Variants in TNPO3 observed in about 807,000 individuals in gnomAD.
TNPO3 encodes transportin-3.
TNPO3 carries 65 observed loss-of-function variants against 122.8 expected under a neutral mutation model. That is an observed-to-expected ratio of 0.53 (90% CI 0.43 to 0.65). The LOEUF (loss-of-function observed/expected upper bound fraction) is 0.65, where lower values mean the gene tolerates loss of function less well. Among genes scored for constraint, TNPO3 ranks in the 30% least tolerant of loss-of-function variants. TNPO3 has a pLI of 0.00. For synonymous variants in TNPO3, 372 were observed against 411.2 expected (o/e 0.90, Z 1.15); for missense variants, 850 against 1,136.7 (o/e 0.75, Z 3.63).
At chr7:129,033,835 C>T (rs1174910195) in intron 1 of TNPO3, among the ~76,000 whole-genome samples, 1 of 151,102 alleles carries the variant, frequency 6.6e-6, no homozygotes, top group African/African-American at 2.4e-5. Context: ...ATCACTTGAA[C>T]TCGGGAGGCC....
intron 5 of TNPO3, 22 bp from the exon 6 acceptor site, chr7:129,001,256 G>A: frequency 6.3e-7 from 1 of 1,585,810 alleles, no homozygotes; most frequent in Non-Finnish European, 8.6e-7. Flanking sequence ...GCAGGAATAG[G>A]GAAGCAAGAA....
At chr7:128,964,333 CTTTTTTTTT>C (rs35667373) in intron 21 of TNPO3, among the ~76,000 whole-genome samples, 7,072 of 120,676 alleles carry the variant, frequency 0.059, 610 homozygotes, top group African/African-American at 0.2. Context: ...CCAAAACAAT[CTTTTTTTTT>C]TTTTTTTTTT....
intron 4 of TNPO3, among the ~76,000 whole-genome samples, chr7:129,005,467 A>C (rs573261625): frequency 6.6e-6 from 1 of 152,242 alleles, no homozygotes; most frequent in South Asian, 2.1e-4. Context: ...ATTTCATGTC[A>C]AATTGTAATC....
At chr7:129,026,679 C>T (rs1805217853) in intron 1 of TNPO3, among the ~76,000 whole-genome samples, 1 of 152,180 alleles carries the variant, frequency 6.6e-6, no homozygotes, top group African/African-American at 2.4e-5. Flanking sequence ...GCTGGGATTA[C>T]AGGCATGAGC....
chr7:129,054,885 C>T lies in TNPO3; in HGVS notation c.-115G>A. Reference sequence around the variant, plus strand: ...GGCCACGGCCGCTCCCTGACTGGCGCCATCTCCTCCTCTTTGGCCGTTACC... The same window carrying T: ...GGCCACGGCCGCTCCCTGACTGGCGTCATCTCCTCCTCTTTGGCCGTTACC... On this transcript the variant is annotated 5_prime_UTR_variant, in exon 1 of 23. Transcript: ENST00000265388. 1 of 1,406,550 alleles carries T rather than the reference C, an allele frequency of 7.1e-7. No homozygotes were observed. The highest frequency in any genetic ancestry group is 2.4e-5 in the East Asian group (1 of 42,230). 87.1% of individuals were successfully genotyped at this position (1,406,550 alleles called of 1,614,324 possible). A position where few individuals can be genotyped will look rare whatever the true frequency, so the allele number is the denominator to read the frequency against.
chr7:129,028,188 G>A (rs1411632064), intron 1 of TNPO3, among the ~76,000 whole-genome samples: 2 of 152,128 alleles, frequency 1.3e-5, no homozygotes, highest in African/African-American at 2.4e-5. Flanking sequence ...AATTCACTAA[G>A]TTATACACTT....
chr7:129,000,422 A>T lies in TNPO3; in HGVS notation c.1011+7T>A. On this transcript the variant is annotated splice_region_variant and intron_variant, in intron 7 of 22. Transcript: ENST00000265388. ...GAATAATGGCCTTTGAATAGCATAA[A>T]CACTACCTCATATTGAGGATGGCCT... The T allele has an allele frequency of 6.2e-7, 1 of 1,610,366 alleles. No individual in the cohort carries two copies. The highest frequency in any genetic ancestry group is 8.5e-7 in the Non-Finnish European group (1 of 1,177,750).
chr7:129,046,679 C>T (rs1348130179), intron 1 of TNPO3, among the ~76,000 whole-genome samples: 2 of 152,182 alleles, frequency 1.3e-5, no homozygotes, highest in Non-Finnish European at 2.9e-5. Context: ...AAGACATACC[C>T]AAGCCTGGGT....
rs763203028 is a variant in TNPO3, at chr7:128,992,094, GAGA to G, written c.1267-7_1267-5del. 6 of 1,544,970 alleles carry G rather than the reference GAGA, an allele frequency of 3.9e-6. No homozygotes were observed. The highest frequency in any genetic ancestry group is 2.8e-5 in the African/African-American group (2 of 72,412). On this transcript the variant is annotated splice_polypyrimidine_tract_variant and splice_region_variant and intron_variant, in intron 9 of 22. Coordinates refer to ENST00000265388, the MANE Select transcript of TNPO3 (RefSeq NM_012470.4). ...CTTCTTTCAGAGTAGAATATAACTA[GAGA>G]AGAAGAGGTGGATTATGGATCCATT...
At chr7:128,989,147 G>A (rs559043732) in intron 11 of TNPO3, among the ~76,000 whole-genome samples, 3 of 152,106 alleles carry the variant, frequency 2.0e-5, no homozygotes, top group Non-Finnish European at 2.9e-5. Flanking sequence ...AAGCAGCTCA[G>A]TGTATAGAAA....
At chr7:129,031,385 GA>G (rs1805933570) in intron 1 of TNPO3, among the ~76,000 whole-genome samples, 1 of 152,028 alleles carries the variant, frequency 6.6e-6, no homozygotes, top group African/African-American at 2.4e-5. Context: ...CAATTTTACA[GA>G]AATAAAAAGG....
chr7:128,978,437 A>G (rs1379404813), intron 16 of TNPO3, among the ~76,000 whole-genome samples: 1 of 152,216 alleles, frequency 6.6e-6, no homozygotes, highest in Non-Finnish European at 1.5e-5. Context: ...ATTAGTATAT[A>G]AGTACTGAGC....
chr7:129,024,963 G>A (rs974682216), intron 1 of TNPO3, among the ~76,000 whole-genome samples: 4 of 151,790 alleles, frequency 2.6e-5, no homozygotes, highest in Non-Finnish European at 4.4e-5. Flanking sequence ...ACCACACTAC[G>A]CACTCCAGCC....
chr7:128,975,427 CA>C (rs945168174), intron 17 of TNPO3, among the ~76,000 whole-genome samples: 5 of 152,116 alleles, frequency 3.3e-5, no homozygotes, highest in Non-Finnish European at 7.4e-5. Flanking sequence ...GAGCTGTTTC[CA>C]ATGCTATTAT....
rs190238585 is a variant in TNPO3 at position 129,034,661 on chromosome 7, G to A, written c.121-16504C>T. On this transcript the variant is annotated intron_variant, in intron 1 of 22. Coordinates refer to ENST00000265388, the MANE Select transcript of TNPO3 (RefSeq NM_012470.4). ...TCCCAGCACTTTGGGAGGCTGAGGCGGGCGGATCACGAGGTCAGGAGATTG... is the reference window on the plus strand; with the variant it reads ...TCCCAGCACTTTGGGAGGCTGAGGCAGGCGGATCACGAGGTCAGGAGATTG... Among the ~76,000 whole-genome samples, 268 of 151,718 alleles carry A rather than the reference G, an allele frequency of 1.8e-3. 2 individuals are homozygous for A. Among genetic ancestry groups the A allele is most frequent in the Admixed American group, 3.5e-3 (54 of 15,222 alleles).
intron 1 of TNPO3, among the ~76,000 whole-genome samples, chr7:129,045,560 A>AT: frequency 6.6e-6 from 1 of 152,048 alleles, no homozygotes; most frequent in East Asian, 1.9e-4. Flanking sequence ...AAAAAAAAAA[A>AT]ATCTATAAAA....
intron 9 of TNPO3, among the ~76,000 whole-genome samples, chr7:128,992,793 A>T (rs184600539): frequency 9.5e-5 from 2 of 21,148 alleles, no homozygotes; most frequent in African/African-American, 2.9e-4. Context: ...ATTTTAATTA[A>T]TAACTTTTTT....
chr7:128,995,901 G>A (rs1203362875), intron 8 of TNPO3, among the ~76,000 whole-genome samples: 5 of 152,096 alleles, frequency 3.3e-5, no homozygotes, highest in African/African-American at 7.2e-5. Flanking sequence ...GTTTTGCCAC[G>A]TTGGCCAGGC....
intron 12 of TNPO3, 102 bp from the exon 13 acceptor site, chr7:128,984,361 T>A: frequency 1.6e-6 from 1 of 642,140 alleles, no homozygotes. Context: ...ACTGGTTTGG[T>A]TCCATTCTTT....
Sources: allele counts gnomAD v4.1 joint callset (sites outside exome capture counted in the v4.1 genomes callset), GRCh38; gene constraint gnomAD v4.1.1; transcripts MANE v1.5; gene names NCBI Gene and HGNC (gene_info 2026-07-23, HGNC 2026-07-21).